ABR: variants seen among roughly 807,000 people sequenced by gnomAD.
The protein encoded by ABR is ABR activator of RhoGEF and GTPase.
Under a neutral mutation model 107.2 loss-of-function variants are expected in ABR, and 35 were observed. The observed-to-expected ratio is 0.33, with a 90% CI of 0.25 to 0.43. The LOEUF is 0.43. Ranked by LOEUF, ABR falls within the 20% of genes least tolerant of loss-of-function variation. The probability of loss-of-function intolerance (pLI) is 1.00; values close to 1 mark genes in which losing one functional copy is unlikely to be tolerated. For missense variants in ABR, 815 were observed against 1,115.2 expected, an observed-to-expected ratio of 0.73 and a Z score of 3.83; for synonymous variants, 498 against 462.0, an observed-to-expected ratio of 1.08 and a Z score of -1.00.
rs1398375875 is a variant in ABR at position 1,051,357 on chromosome 17, G to C, written c.1562-723C>G. Reference sequence around the variant, plus strand: ...TACCAAGAACAGGGCTGGGAACCCAGCTGGCACACGGTGAACGAGGCTCCC... The same window carrying C: ...TACCAAGAACAGGGCTGGGAACCCACCTGGCACACGGTGAACGAGGCTCCC... On this transcript the variant is annotated intron_variant, in intron 14 of 22. Coordinates refer to ENST00000302538, the MANE Select transcript of ABR (RefSeq NM_021962.5). The surrounding 1 kb of genome is among the most constrained non-coding windows in gnomAD (Gnocchi z 4.3). Among the ~76,000 whole-genome samples, 1 of 152,176 alleles carries C rather than the reference G, an allele frequency of 6.6e-6. No individual in the cohort carries two copies. Among genetic ancestry groups the C allele is most frequent in the African/African-American group, 2.4e-5 (1 of 41,446 alleles).
chr17:1,141,585 C>T (rs1332375903), intron 1 of ABR, among the ~76,000 whole-genome samples: 4 of 152,100 alleles, frequency 2.6e-5, no homozygotes, highest in Admixed American at 2.6e-4. Flanking sequence ...ATCATTATTC[C>T]CCTGCTCTCC....
chr17:1,034,171 A>G (rs2073006555), intron 16 of ABR, among the ~76,000 whole-genome samples: 1 of 151,884 alleles, frequency 6.6e-6, no homozygotes, highest in Admixed American at 6.6e-5. Context: ...AGGTTTCACC[A>G]TGCTGGCCAG....
chr17:1,109,119 C>CGGTGGGA (rs765039411), intron 2 of ABR: 5 of 1,321,012 alleles, frequency 3.8e-6, no homozygotes, highest in Non-Finnish European at 5.0e-6. Flanking sequence ...CACGCAGCGG[C>CGGTGGGA]GGCGGGAGGA....
chr17:1,010,468 G>A lies in ABR; in HGVS notation c.2236+261C>T. On this transcript the variant is annotated intron_variant, in intron 20 of 22. Transcript: ENST00000302538. The surrounding 1 kb of genome is among the most constrained non-coding windows in gnomAD (Gnocchi z 4.1). ...GGATGCTCGAGCTTCCAAGCAAGAG[G>A]CCAACGTCCAAATAGGAAGCAGAAG... is the stretch of plus-strand genomic sequence containing the variant. 1 of 500,266 alleles carries A rather than the reference G, an allele frequency of 2.0e-6. No individual in the cohort carries two copies. The highest frequency in any genetic ancestry group is 3.6e-6 in the Non-Finnish European group (1 of 277,714). 31.0% of individuals were successfully genotyped at this position (500,266 alleles called of 1,614,324 possible). A position where few individuals can be genotyped will look rare whatever the true frequency, so the allele number is the denominator to read the frequency against.
chr17:1,134,052 G>A (rs1020413886), intron 1 of ABR, among the ~76,000 whole-genome samples: 1 of 152,208 alleles, frequency 6.6e-6, no homozygotes, highest in African/African-American at 2.4e-5. Flanking sequence ...GGCCAAGGCG[G>A]GCAGATCACC....
intron 10 of ABR, among the ~76,000 whole-genome samples, chr17:1,065,648 C>T (rs1265716130): frequency 1.3e-5 from 2 of 151,914 alleles, no homozygotes; most frequent in African/African-American, 4.8e-5. Context: ...GTATGTAGTA[C>T]ACTCATTTCC....
At chr17:1,129,496 C>T (rs894447250) in intron 1 of ABR, among the ~76,000 whole-genome samples, 6 of 152,084 alleles carry the variant, frequency 3.9e-5, no homozygotes, top group African/African-American at 1.4e-4. Context: ...CGCGACACTG[C>T]ACTCCAGACT....
At chr17:1,191,871 C>A (rs972337764), upstream of ABR, among the ~76,000 whole-genome samples, 9 of 152,196 alleles carry the variant, frequency 5.9e-5, no homozygotes, top group African/African-American at 1.9e-4. Context: ...CACACATGAG[C>A]CCCTCAACAC....
rs906496813 is a variant in ABR, at chr17:1,011,729, G to A, written c.2101+117C>T. On this transcript the variant is annotated intron_variant, in intron 19 of 22. Transcript: ENST00000302538. This position sits in a 1 kb window ranked among gnomAD's most constrained non-coding sequence, Gnocchi z 4.8. ...AGAAAGCACTTGCCACGGGGACTCT[G>A]AAGCAGAGCAAGCCTCCTCTCCAGG... The A allele has an allele frequency of 1.5e-6, 2 of 1,326,032 alleles. No individual in the cohort carries two copies. The highest frequency in any genetic ancestry group is 2.0e-6 in the Non-Finnish European group (2 of 995,792). The allele number at this position is 1,326,032 out of a possible 1,614,324, so 82.1% of individuals were successfully genotyped here.
At chr17:1,035,780 C>T (rs778761816) in intron 16 of ABR, among the ~76,000 whole-genome samples, 10 of 149,362 alleles carry the variant, frequency 6.7e-5, no homozygotes, top group Non-Finnish European at 1.3e-4. Context: ...CCTCCCTCAG[C>T]CCCTCCCCAG....
chr17:1,046,760 C>T lies in ABR; in HGVS notation c.1791+3290G>A, dbSNP rs553332847. On this transcript the variant is annotated intron_variant, in intron 16 of 22. Transcript: ENST00000302538. ...AGAGGAGGGAACATGGCCTTTCCCA[C>T]ATACCATACGCAGAGATGCCTTGGC... 1.4e-3 allele frequency among the ~76,000 whole-genome samples: 211 copies of T among 152,328 alleles called. 3 individuals are homozygous for T. Among genetic ancestry groups the T allele is most frequent in the Admixed American group, 0.013 (199 of 15,302 alleles).
At chr17:1,054,670 GAGGGGATGGGGGCACAAGGAACCTC>G (rs1432930803) in intron 14 of ABR, among the ~76,000 whole-genome samples, 34 of 35,030 alleles carry the variant, frequency 9.7e-4, no homozygotes, top group African/African-American at 3.3e-3. Context: ...CAAGGAACCT[GAGGGGATGGGGGCACAAGGAACCTC>G]AGGGGATGGG....
At chr17:1,158,505 G>A (rs749995344) in intron 1 of ABR, among the ~76,000 whole-genome samples, 4 of 151,914 alleles carry the variant, frequency 2.6e-5, no homozygotes, top group Non-Finnish European at 5.9e-5. Context: ...GCTCACACCT[G>A]TAATCCCAGC....
chr17:1,078,665 G>A lies in ABR; in HGVS notation c.700+665C>T, dbSNP rs1013051389. ...AGGTTTCAACTCTAGGCTGGATGCC[G>A]CCAAAACGAAGGGGGAATTCAGGTC... On this transcript the variant is annotated intron_variant, in intron 6 of 22. Coordinates refer to ENST00000302538, the MANE Select transcript of ABR (RefSeq NM_021962.5). This position sits in a 1 kb window ranked among gnomAD's most constrained non-coding sequence, Gnocchi z 7.5. 1.9e-5 allele frequency: 16 copies of A among 830,978 alleles called. No homozygotes were observed. The highest frequency in any genetic ancestry group is 8.6e-5 in the African/African-American group (5 of 58,104). The allele number at this position is 830,978 out of a possible 1,614,324, so 51.5% of individuals were successfully genotyped here.
Position 1,063,877 on chromosome 17 carries a change from C to A in ABR, c.1182+3200G>T, listed in dbSNP as rs948070421. 3.3e-5 allele frequency among the ~76,000 whole-genome samples: 5 copies of A among 149,302 alleles called. No individual in the cohort carries two copies. The South Asian group carries it at 6.6e-4, about 20-fold the overall frequency. On this transcript the variant is annotated intron_variant, in intron 10 of 22. Transcript: ENST00000302538. ...GCACTGCTGTTACGTGAACTGAGGG[C>A]TATGCATGTTCCTCCAGACACTGTT...
chr17:1,079,660 G>A (rs1334124422), intron 5 of ABR, among the ~76,000 whole-genome samples: 1 of 151,828 alleles, frequency 6.6e-6, no homozygotes, highest in Non-Finnish European at 1.5e-5. Flanking sequence ...GTGGTGTCAG[G>A]TGCCTGTAAT....
intron 16 of ABR, among the ~76,000 whole-genome samples, chr17:1,042,892 G>C (rs1052899667): frequency 2.9e-4 from 44 of 152,198 alleles, no homozygotes; most frequent in African/African-American, 1.0e-3. Flanking sequence ...CTCAGAAAGG[G>C]AGGAAATTCA....
rs912801859 is a variant in ABR, at chr17:1,005,906, G to A, written c.*174C>T. 41 of 652,200 alleles carry A rather than the reference G, an allele frequency of 6.3e-5. No individual in the cohort carries two copies. The highest frequency in any genetic ancestry group is 3.6e-4 in the African/African-American group (20 of 55,548). 40.4% of individuals were successfully genotyped at this position (652,200 alleles called of 1,614,324 possible). On this transcript the variant is annotated 3_prime_UTR_variant, in exon 23 of 23. Transcript: ENST00000302538. ...GTGGTGAGGCTGGGGCTGGGCAGCC[G>A]GCTTTGTACAAGGTGGCACAAAAGA...
chr17:1,216,075 AC>A (rs1489348263), intron 1 of ABR, among the ~76,000 whole-genome samples: 2 of 150,898 alleles, frequency 1.3e-5, no homozygotes, highest in African/African-American at 4.9e-5. Flanking sequence ...AAAACCAGAG[AC>A]CTTTGTTCAC....
Sources: gnomAD v4.1 joint callset for allele counts (sites outside exome capture counted in the v4.1 genomes callset) on GRCh38, gnomAD v4.1.1 for gene constraint, Gnocchi (gnomAD v3.1) non-coding constraint, MANE v1.5 for transcripts, NCBI Gene and HGNC (gene_info 2026-07-23, HGNC 2026-07-21) for gene names.